Variants in CSDC2 observed in about 807,000 individuals in gnomAD.
CSDC2 encodes cold shock domain containing C2.
CSDC2 carries 8 observed loss-of-function variants against 15.8 expected under a neutral mutation model. The observed-to-expected ratio is 0.51, with a 90% CI of 0.30 to 0.92. CSDC2 has a LOEUF of 0.92. Among genes scored for constraint, CSDC2 ranks in the 40% least tolerant of loss-of-function variants. The pLI is 0.07. For synonymous variants in CSDC2, 96 were observed against 92.3 expected (o/e 1.04, Z -0.23); for missense variants, 195 against 213.3 (o/e 0.91, Z 0.53).
intron 1 of CSDC2, 104 bp from the exon 2 acceptor site, chr22:41,571,739 C>T (rs150617399): frequency 1.7e-5 from 6 of 358,764 alleles, no homozygotes; most frequent in South Asian, 1.5e-4. Context: ...CTTGAAGTAA[C>T]GCCGTGAGGA....
At chr22:41,573,489 T>C (rs2067158429) in intron 2 of CSDC2, among the ~76,000 whole-genome samples, 166 bp from the exon 3 acceptor site, 1 of 152,118 alleles carries the variant, frequency 6.6e-6, no homozygotes, top group African/African-American at 2.4e-5. Flanking sequence ...TGAGCCACCG[T>C]GCCTGGCCTC....
Position 41,573,682 on chromosome 22 carries a change from G to A in CSDC2, c.204G>A (p.Val68=), listed in dbSNP as rs1432782218. 6.2e-7 allele frequency: 1 copy of A among 1,613,612 alleles called. No individual in the cohort carries two copies. The highest frequency in any genetic ancestry group is 8.5e-7 in the Non-Finnish European group (1 of 1,179,784). The change falls in exon 3 of 4, where the codon GTG becomes GTA. Residue 68 remains valine, a synonymous_variant. Coordinates refer to ENST00000306149, the MANE Select transcript of CSDC2 (RefSeq NM_014460.4). ...SATARASAGP[V]FKGVCKQFSR... ...CAGCCCGGGCCTCAGCTGGCCCCGT[G>A]TTCAAGGGCGTCTGTAAGCAGTTCT...
intron 1 of CSDC2, among the ~76,000 whole-genome samples, chr22:41,562,604 C>T (rs2067093016): frequency 6.6e-6 from 1 of 152,030 alleles, no homozygotes; most frequent in South Asian, 2.1e-4. Context: ...GGACACCTGC[C>T]AGCCAGTCTG....
chr22:41,569,709 T>C (rs1179416337), intron 1 of CSDC2, among the ~76,000 whole-genome samples: 2 of 152,076 alleles, frequency 1.3e-5, no homozygotes, highest in African/African-American at 2.4e-5. Context: ...TTTTCACTTG[T>C]TGGCTGTTGT....
intron 2 of CSDC2, among the ~76,000 whole-genome samples, chr22:41,573,380 A>T (rs2067158021): frequency 6.6e-6 from 1 of 151,554 alleles, no homozygotes; most frequent in Non-Finnish European, 1.5e-5. Context: ...TTTTTTTTGT[A>T]GAGATGGGAG....
At chr22:41,561,426 T>C (rs537984226) in intron 1 of CSDC2, among the ~76,000 whole-genome samples, 2 of 152,326 alleles carry the variant, frequency 1.3e-5, no homozygotes, top group African/African-American at 4.8e-5. Flanking sequence ...TCTGTGTCTG[T>C]GTCTGGGACC....
intron 2 of CSDC2, 26 bp downstream of exon 2, chr22:41,572,167 C>T: frequency 7.8e-7 from 1 of 1,286,130 alleles, no homozygotes; most frequent in South Asian, 3.4e-5. Context: ...TTGCCCAGGC[C>T]CCTGACCCTT....
At chr22:41,573,622 G>C in intron 2 of CSDC2, 33 bp from the exon 3 acceptor site, 1 of 1,588,788 alleles carries the variant, frequency 6.3e-7, no homozygotes, top group African/African-American at 1.3e-5. Flanking sequence ...AGTTCCTCAG[G>C]CCACAGCTCC....
intron 1 of CSDC2, among the ~76,000 whole-genome samples, chr22:41,563,321 G>A (rs746364220): frequency 2.6e-5 from 4 of 152,010 alleles, no homozygotes; most frequent in Admixed American, 6.5e-5. Context: ...GCTCCTGCCC[G>A]GGGGTCCTGA....
In CSDC2 at chr22:41,573,888, G is replaced by A. The variant is rs1345576991; in HGVS notation, c.299+111G>A. On this transcript the variant is annotated intron_variant, in intron 3 of 3. Coordinates refer to ENST00000306149, the MANE Select transcript of CSDC2 (RefSeq NM_014460.4). ...TCACTGGCTGAGGTCTGTATTCATG[G>A]TGCCTTTTCTGTCCTCTGAGTAGGG... 10 of 1,383,480 alleles carry A rather than the reference G, an allele frequency of 7.2e-6. No homozygotes were observed. In the African/African-American group the frequency reaches 1.3e-4, roughly 18 times the overall value. 85.7% of individuals were successfully genotyped at this position (1,383,480 alleles called of 1,614,324 possible).
In CSDC2 at chr22:41,575,160, T is replaced by C; in HGVS notation, c.*265T>C. ...TTCGCGCTGTCCACTGCCTCTCTCC[T>C]CCCCTCCCTGCCGCAGACACGCAGG... On this transcript the variant is annotated 3_prime_UTR_variant, in exon 4 of 4. Transcript: ENST00000306149. 1.9e-6 allele frequency: 1 copy of C among 513,884 alleles called. No homozygotes were observed. The highest frequency in any genetic ancestry group is 3.5e-6 in the Non-Finnish European group (1 of 286,930). The allele number at this position is 513,884 out of a possible 1,614,324, so 31.8% of individuals were successfully genotyped here.
chr22:41,564,766 G>T (rs2145595898), intron 1 of CSDC2, among the ~76,000 whole-genome samples: 1 of 152,294 alleles, frequency 6.6e-6, no homozygotes. Context: ...TGAAGAGAAA[G>T]GTGAGGTCCA....
At chr22:41,568,837 C>T (rs925600563) in intron 1 of CSDC2, among the ~76,000 whole-genome samples, 4 of 152,252 alleles carry the variant, frequency 2.6e-5, no homozygotes, top group Non-Finnish European at 5.9e-5. Context: ...CGACCCTGGC[C>T]CAGAATCATC....
At chr22:41,567,581 G>A (rs1037571638) in intron 1 of CSDC2, among the ~76,000 whole-genome samples, 2 of 152,238 alleles carry the variant, frequency 1.3e-5, no homozygotes, top group African/African-American at 2.4e-5. Flanking sequence ...GGGCTGCTGG[G>A]CATTGTACAG....
rs1239445433 is a variant in CSDC2 at position 41,574,801 on chromosome 22, A to G, written c.368A>G (p.Lys123Arg). The G allele has an allele frequency of 6.2e-7, 1 of 1,613,676 alleles. No individual in the cohort carries two copies. The highest frequency in any genetic ancestry group is 1.7e-5 in the Admixed American group (1 of 59,998). Residue 123 changes from lysine (K) to arginine (R), a missense_variant, in exon 4 of 4, where the codon AAG becomes AGG. By Grantham distance (26) the Lys-to-Arg change is conservative. Coordinates refer to ENST00000306149, the MANE Select transcript of CSDC2 (RefSeq NM_014460.4). Reference protein sequence around the residue: ...VTYKMCPIPPKNQKFQAVEVV... With the variant: ...VTYKMCPIPPRNQKFQAVEVV... Reference sequence around the variant, plus strand: ...TACAAGATGTGCCCTATCCCTCCCAAGAACCAGAAGTTCCAGGCCGTGGAG... The same window carrying G: ...TACAAGATGTGCCCTATCCCTCCCAGGAACCAGAAGTTCCAGGCCGTGGAG...
chr22:41,568,845 A>G (rs937016653), intron 1 of CSDC2, among the ~76,000 whole-genome samples: 4 of 152,192 alleles, frequency 2.6e-5, no homozygotes, highest in African/African-American at 7.2e-5. Context: ...GCCCAGAATC[A>G]TCAGTGGGTT....
intron 1 of CSDC2, among the ~76,000 whole-genome samples, chr22:41,565,172 A>C (rs1486608153): frequency 6.9e-6 from 1 of 145,796 alleles, no homozygotes; most frequent in Non-Finnish European, 1.5e-5. Flanking sequence ...AAAAAAAAGG[A>C]TGGGTGCGGT....
intron 1 of CSDC2, among the ~76,000 whole-genome samples, chr22:41,566,514 C>A (rs1441920368): frequency 6.7e-6 from 1 of 149,962 alleles, no homozygotes; most frequent in Admixed American, 6.6e-5. Context: ...GTAATCCCAG[C>A]CAGCTACTTG....
intron 1 of CSDC2, 23 bp from the exon 2 acceptor site, chr22:41,571,820 G>C (rs1601997272): frequency 2.2e-6 from 1 of 464,966 alleles, no homozygotes; most frequent in Non-Finnish European, 3.6e-6. Context: ...AGGCTCACCT[G>C]TGCCTCTTTC....
Sources: allele counts gnomAD v4.1 joint callset (sites outside exome capture counted in the v4.1 genomes callset), GRCh38; gene constraint gnomAD v4.1.1; transcripts MANE v1.5; gene names NCBI Gene and HGNC (gene_info 2026-07-23, HGNC 2026-07-21).